PLCG2: variants seen among roughly 807,000 people sequenced by gnomAD.
PLCG2 encodes the protein phospholipase C gamma 2, also known as 1-phosphatidylinositol 4,5-bisphosphate phosphodiesterase gamma-2.
Under a neutral mutation model 175.6 loss-of-function variants are expected in PLCG2, and 69 were observed. That is an observed-to-expected ratio of 0.39 (90% CI 0.32 to 0.48). PLCG2 has a LOEUF of 0.48. Among genes scored for constraint, PLCG2 ranks in the 20% least tolerant of loss-of-function variants. PLCG2 has a pLI of 0.91. For missense variants in PLCG2, 1,798 were observed against 1,650.9 expected (o/e 1.09, Z -1.54); for synonymous variants, 827 against 624.0 (o/e 1.33, Z -4.85).
chr16:81,777,200 A>C (rs923673656), upstream of PLCG2, among the ~76,000 whole-genome samples: 1 of 152,160 alleles, frequency 6.6e-6, no homozygotes, highest in African/African-American at 2.4e-5. Context: ...CAGAATTGGC[A>C]TCTGTCAAGA....
At chr16:81,856,665 C>A (rs1406373597) in intron 3 of PLCG2, among the ~76,000 whole-genome samples, 2 of 152,170 alleles carry the variant, frequency 1.3e-5, no homozygotes. Context: ...AAAGCTAAAT[C>A]CCTAAGCCAG....
At chr16:81,844,506 G>A (rs1906010232) in intron 2 of PLCG2, among the ~76,000 whole-genome samples, 1 of 152,034 alleles carries the variant, frequency 6.6e-6, no homozygotes, top group Non-Finnish European at 1.5e-5. Flanking sequence ...ATTTTTGGTA[G>A]AGACAGGGTT....
chr16:81,924,586 C>G (rs1597135427), intron 22 of PLCG2, among the ~76,000 whole-genome samples: 1 of 152,260 alleles, frequency 6.6e-6, no homozygotes, highest in Non-Finnish European at 1.5e-5. Flanking sequence ...AGAGCTTACA[C>G]TCTTAACTCC....
intron 10 of PLCG2, among the ~76,000 whole-genome samples, chr16:81,889,844 CAG>C (rs1048694766): frequency 6.6e-6 from 1 of 151,986 alleles, no homozygotes; most frequent in Non-Finnish European, 1.5e-5. Context: ...TTTTAGTAGA[CAG>C]GGTTTCACTA....
chr16:81,885,460 G>T (rs11150423), intron 9 of PLCG2, among the ~76,000 whole-genome samples: 5 of 152,062 alleles, frequency 3.3e-5, no homozygotes, highest in Admixed American at 3.3e-4. Context: ...CACTGTGCCC[G>T]GCCCACTTTG....
intron 2 of PLCG2, chr16:81,798,410 T>G (rs1157297524): frequency 6.6e-6 from 1 of 152,306 alleles, no homozygotes; most frequent in Non-Finnish European, 1.5e-5. Flanking sequence ...TGGGGTTAAG[T>G]GCTCTTGGAC....
At chr16:81,849,771 CAAAAAAA>C (rs34130863) in intron 2 of PLCG2, among the ~76,000 whole-genome samples, 4 of 83,154 alleles carry the variant, frequency 4.8e-5, no homozygotes, top group African/African-American at 2.5e-4. Flanking sequence ...AACTCTGTCT[CAAAAAAA>C]AAAAAAAAAA....
rs1368533747 is a variant in PLCG2, at chr16:81,955,589, A to G, written c.3571-1106A>G. On this transcript the variant is annotated intron_variant, in intron 31 of 32. Transcript: ENST00000564138. ...TTTAGGGGTAGGTCTTGTTTCAGTC[A>G]TGGCTGAATCTCTGTGCTCACTCAG... 3.3e-5 allele frequency among the ~76,000 whole-genome samples: 5 copies of G among 152,284 alleles called. No homozygotes were observed. In the South Asian group the frequency reaches 1.0e-3, roughly 32 times the overall value.
At chr16:81,941,872 T>C (rs1477401754) in intron 30 of PLCG2, among the ~76,000 whole-genome samples, 1 of 152,106 alleles carries the variant, frequency 6.6e-6, no homozygotes, top group Non-Finnish European at 1.5e-5. Context: ...GGTTTTGCCA[T>C]GTTGGTCTGA....
At chr16:81,904,594 C>G (rs116284182) in intron 14 of PLCG2, among the ~76,000 whole-genome samples, 2 of 152,204 alleles carry the variant, frequency 1.3e-5, no homozygotes, top group Non-Finnish European at 2.9e-5. Context: ...CCAGCCTGTT[C>G]CCTCTGGACT....
chr16:81,778,953 GC>G (rs974696625), upstream of PLCG2, among the ~76,000 whole-genome samples: 9 of 152,334 alleles, frequency 5.9e-5, no homozygotes, highest in Admixed American at 3.9e-4. Context: ...GAGCCCGGGC[GC>G]CCGGCCGGGA....
chr16:81,853,285 C>A (rs1446381410), intron 2 of PLCG2, among the ~76,000 whole-genome samples: 2 of 151,346 alleles, frequency 1.3e-5, no homozygotes, highest in African/African-American at 4.9e-5. Context: ...GAGCTGAGAT[C>A]ATGCCACTGC....
chr16:81,741,536 G>C (rs903556280), intron 1 of PLCG2, among the ~76,000 whole-genome samples: 1 of 152,168 alleles, frequency 6.6e-6, no homozygotes, highest in Non-Finnish European at 1.5e-5. Flanking sequence ...CAGGCCAGAC[G>C]TGGTGGCTCA....
chr16:81,757,755 A>C (rs1048013203), intron 2 of PLCG2, among the ~76,000 whole-genome samples: 1 of 151,984 alleles, frequency 6.6e-6, no homozygotes, highest in Non-Finnish European at 1.5e-5. Context: ...ACCACAATCA[A>C]TTTTTGAAAC....
At chr16:81,807,345 G>A (rs1904285947) in intron 2 of PLCG2, among the ~76,000 whole-genome samples, 1 of 152,172 alleles carries the variant, frequency 6.6e-6, no homozygotes, top group Admixed American at 6.5e-5. Context: ...AGGGCACTGA[G>A]GAGGATGGGC....
intron 2 of PLCG2, among the ~76,000 whole-genome samples, chr16:81,841,447 G>A (rs1392053185): frequency 6.6e-6 from 1 of 151,962 alleles, no homozygotes; most frequent in Non-Finnish European, 1.5e-5. Flanking sequence ...CACTATGTTG[G>A]CCAGGCTGGT....
chr16:81,741,482 G>T (rs1339939479), intron 1 of PLCG2, among the ~76,000 whole-genome samples: 1 of 152,066 alleles, frequency 6.6e-6, no homozygotes, highest in Non-Finnish European at 1.5e-5. Flanking sequence ...ATATTTATGG[G>T]TTACAGAGTG....
At chr16:81,818,352 T>C (rs889835356) in intron 2 of PLCG2, among the ~76,000 whole-genome samples, 1 of 152,216 alleles carries the variant, frequency 6.6e-6, no homozygotes, top group Non-Finnish European at 1.5e-5. Flanking sequence ...TATATTTATG[T>C]GGGCATTTAA....
rs965364730 is a variant in PLCG2 at position 81,863,999 on chromosome 16, G to A, written c.479+4836G>A. On this transcript the variant is annotated intron_variant, in intron 5 of 32. Transcript: ENST00000564138. ...GGCAGAGCCACGGCAGTAGTGATTC[G>A]GGTTTTACTGTTCTGGGCATGGCCT... Among the ~76,000 whole-genome samples the A allele has an allele frequency of 5.3e-5, 8 of 152,250 alleles. No homozygotes were observed. The East Asian group carries it at 9.7e-4, about 18-fold the overall frequency.
Sources: gnomAD v4.1 joint callset for allele counts (sites outside exome capture counted in the v4.1 genomes callset) on GRCh38, gnomAD v4.1.1 for gene constraint, MANE v1.5 for transcripts, NCBI Gene and HGNC (gene_info 2026-07-23, HGNC 2026-07-21) for gene names.